The following OBP2B variants were observed in gnomAD, a reference collection of about 807,000 sequenced individuals.
OBP2B encodes odorant-binding protein 2b.
OBP2B carries 10 observed loss-of-function variants against 21.7 expected under a neutral mutation model. The ratio of observed to expected loss-of-function variants is 0.46; its 90% CI spans 0.28 to 0.78. OBP2B has a LOEUF of 0.78. OBP2B is among the 30% of genes least tolerant of loss of function. The probability of loss-of-function intolerance (pLI) is 0.11; values close to 1 mark genes in which losing one functional copy is unlikely to be tolerated. For synonymous variants in OBP2B, 73 were observed against 91.5 expected, an observed-to-expected ratio of 0.80 and a Z score of 1.16; for missense variants, 153 against 217.7, an observed-to-expected ratio of 0.70 and a Z score of 1.87.
In OBP2B at chr9:133,206,035, C is replaced by T. The variant is rs545658269; in HGVS notation, c.491-95G>A. On this transcript the variant is annotated intron_variant, in intron 5 of 6. Coordinates refer to ENST00000372034, the MANE Select transcript of OBP2B (RefSeq NM_014581.4). ...CAGAGCTCAGAGCCCCAGAGCCCAT[C>T]GCAGCCCAGAGCGCGGAGCCCCAGA... 4.9e-5 allele frequency: 77 copies of T among 1,565,926 alleles called. No individual in the cohort carries two copies. The Admixed American group carries it at 8.3e-4, about 17-fold the overall frequency.
the OBP2B span, among the ~76,000 whole-genome samples, chr9:133,214,437 G>T: frequency 6.6e-6 from 1 of 152,242 alleles, no homozygotes; most frequent in Non-Finnish European, 1.5e-5. Context: ...GAGCGAAGGG[G>T]TTTAAGGAGG....
At chr9:133,215,375 A>T in the OBP2B span, among the ~76,000 whole-genome samples, 1 of 152,254 alleles carries the variant, frequency 6.6e-6, no homozygotes, top group African/African-American at 2.4e-5. Context: ...CACAATTTCT[A>T]TCAAAATTCC....
chr9:133,207,023 C>G (rs1833741122), intron 4 of OBP2B, among the ~76,000 whole-genome samples: 1 of 152,128 alleles, frequency 6.6e-6, no homozygotes, highest in Non-Finnish European at 1.5e-5. Context: ...GTTCATGTCA[C>G]CGAGGGCCAT....
chr9:133,212,305 GGCCACCCATCAATTA>G (rs1179191306), upstream of OBP2B, among the ~76,000 whole-genome samples: 47 of 152,228 alleles, frequency 3.1e-4, no homozygotes, highest in Admixed American at 1.4e-3. Flanking sequence ...CAAAGAACTC[GGCCACCCATCAATTA>G]ACATAATCGA....
chr9:133,218,550 C>CA, the OBP2B span, among the ~76,000 whole-genome samples: 1 of 152,182 alleles, frequency 6.6e-6, no homozygotes, highest in African/African-American at 2.4e-5. Context: ...TCCAGGAGAA[C>CA]AGGGGATGGA....
At chr9:133,221,401 G>A in the OBP2B span, among the ~76,000 whole-genome samples, 1 of 152,164 alleles carries the variant, frequency 6.6e-6, no homozygotes, top group African/African-American at 2.4e-5. Context: ...ACAGATGCAG[G>A]GAGGGCATCT....
upstream of OBP2B, among the ~76,000 whole-genome samples, chr9:133,213,236 C>T (rs1446140093): frequency 1.3e-5 from 2 of 152,042 alleles, no homozygotes; most frequent in African/African-American, 4.8e-5. Flanking sequence ...CGAGACTCTA[C>T]CTCAAAAACA....
At chr9:133,207,399 A>G (rs1833764715) in intron 3 of OBP2B, 63 bp from the exon 4 acceptor site, 1 of 1,145,140 alleles carries the variant, frequency 8.7e-7, no homozygotes, top group Admixed American at 1.9e-5. Context: ...ATGAAGAAAC[A>G]CTCGGGAATG....
the OBP2B span, among the ~76,000 whole-genome samples, chr9:133,216,495 A>C: frequency 6.6e-6 from 1 of 151,932 alleles, no homozygotes; most frequent in African/African-American, 2.4e-5. Context: ...AAAAAAAAAA[A>C]ACCCTGCAAC....
At chr9:133,209,272 G>C (rs368106195), upstream of OBP2B, 27,602 of 1,352,944 alleles carry the variant, frequency 0.02, 146 homozygotes, top group Non-Finnish European at 0.023. The surrounding 1 kb of genome is among the most constrained non-coding windows in gnomAD (Gnocchi z 6.0). Flanking sequence ...CTCCTCTCGA[G>C]ATGTTCTTTA....
At chr9:133,207,849 G>A in intron 3 of OBP2B, 1 of 1,504,978 alleles carries the variant, frequency 6.6e-7, no homozygotes, top group Non-Finnish European at 8.9e-7. Flanking sequence ...CCTAATCCTT[G>A]GCCTCCTTGT....
At chr9:133,217,238 G>A in the OBP2B span, among the ~76,000 whole-genome samples, 1 of 152,162 alleles carries the variant, frequency 6.6e-6, no homozygotes, top group African/African-American at 2.4e-5. Context: ...TGTGCTCGGG[G>A]GGCTTATATT....
rs782628303 is a variant in OBP2B at position 133,205,906 on chromosome 9, G to T, written c.*1+11C>A. ...TGGGCTTGTCCAGTGCCCTCCTAAA[G>T]GCTCACTCACCCTAGTGTTCGGGAA... On this transcript the variant is annotated intron_variant, in intron 6 of 6. Transcript: ENST00000372034. 6 of 1,613,848 alleles carry T rather than the reference G, an allele frequency of 3.7e-6. No individual in the cohort carries two copies. The highest frequency in any genetic ancestry group is 5.1e-6 in the Non-Finnish European group (6 of 1,179,796).
At chr9:133,209,889 A>T (rs1449264609), upstream of OBP2B, among the ~76,000 whole-genome samples, 1 of 151,746 alleles carries the variant, frequency 6.6e-6, no homozygotes, top group African/African-American at 2.4e-5. This position sits in a 1 kb window ranked among gnomAD's most constrained non-coding sequence, Gnocchi z 6.0. Context: ...ACCCCGCTTC[A>T]CTCCGTACCG....
chr9:133,216,496 A>AG, the OBP2B span, among the ~76,000 whole-genome samples: 1 of 150,684 alleles, frequency 6.6e-6, no homozygotes, highest in Non-Finnish European at 1.5e-5. Context: ...AAAAAAAAAA[A>AG]CCCTGCAACA....
chr9:133,219,460 G>T, the OBP2B span, among the ~76,000 whole-genome samples: 28 of 152,192 alleles, frequency 1.8e-4, no homozygotes, highest in African/African-American at 6.8e-4. Flanking sequence ...AAAGGGAAAT[G>T]AATAGACTTT....
At chr9:133,210,973 C>G (rs1359569867), upstream of OBP2B, among the ~76,000 whole-genome samples, 4 of 152,166 alleles carry the variant, frequency 2.6e-5, no homozygotes, top group African/African-American at 4.8e-5. Context: ...GATGGTGGCT[C>G]CTGTTGGGCT....
At chr9:133,220,408 C>G in the OBP2B span, among the ~76,000 whole-genome samples, 203 of 152,310 alleles carry the variant, frequency 1.3e-3, no homozygotes, top group African/African-American at 4.6e-3. Flanking sequence ...CGGAGACACC[C>G]TGTTCATTTA....
intron 6 of OBP2B, 65 bp from the exon 7 acceptor site, chr9:133,205,476 C>T (rs1254277171): frequency 3.0e-6 from 3 of 1,014,386 alleles, no homozygotes; most frequent in Non-Finnish European, 4.3e-6. Context: ...AGGGCCAGAG[C>T]TCCCTCCCCA....
Sources: allele counts gnomAD v4.1 joint callset (sites outside exome capture counted in the v4.1 genomes callset), GRCh38; gene constraint gnomAD v4.1.1; non-coding constraint Gnocchi (gnomAD v3.1); transcripts MANE v1.5; gene names NCBI Gene and HGNC (gene_info 2026-07-23, HGNC 2026-07-21).